EBF2: variants seen among roughly 807,000 people sequenced by gnomAD.
EBF2 encodes the protein EBF transcription factor 2.
EBF2 carries 21 observed loss-of-function variants against 72.8 expected under a neutral mutation model. That is an observed-to-expected ratio of 0.29 (90% confidence interval 0.20 to 0.42). The LOEUF (loss-of-function observed/expected upper bound fraction) is 0.42, where lower values mean the gene tolerates loss of function less well. Among genes scored for constraint, EBF2 ranks in the 10% least tolerant of loss-of-function variants. EBF2 has a pLI of 1.00. For synonymous variants in EBF2, 299 were observed against 274.2 expected, an observed-to-expected ratio of 1.09 and a Z score of -0.89; for missense variants, 637 against 731.2, an observed-to-expected ratio of 0.87 and a Z score of 1.49.
intron 6 of EBF2, among the ~76,000 whole-genome samples, chr8:25,927,306 A>G (rs920253288): frequency 6.9e-6 from 1 of 145,974 alleles, no homozygotes; most frequent in Non-Finnish European, 1.5e-5. Flanking sequence ...TATCTTGTAT[A>G]TATCTAGATA....
intron 15 of EBF2, among the ~76,000 whole-genome samples, chr8:25,849,836 C>G (rs1417410470): frequency 6.6e-6 from 1 of 152,188 alleles, no homozygotes; most frequent in Non-Finnish European, 1.5e-5. Context: ...ATCAATTTGA[C>G]TTGCATGTAA....
intron 7 of EBF2, among the ~76,000 whole-genome samples, chr8:25,907,984 T>C (rs1157826821): frequency 6.6e-6 from 1 of 152,166 alleles, no homozygotes; most frequent in African/African-American, 2.4e-5. Context: ...TGGGTCACCG[T>C]CCCGTGGGTC....
intron 6 of EBF2, among the ~76,000 whole-genome samples, chr8:26,026,566 C>T (rs1030816918): frequency 2.6e-5 from 4 of 152,212 alleles, no homozygotes; most frequent in Non-Finnish European, 4.4e-5. Context: ...ACTATCCACT[C>T]CTCAGTCACG....
intron 6 of EBF2, among the ~76,000 whole-genome samples, chr8:25,935,738 C>G (rs971992775): frequency 6.6e-6 from 1 of 152,162 alleles, no homozygotes; most frequent in Non-Finnish European, 1.5e-5. Flanking sequence ...CAGCCCTGCC[C>G]CAATCTATGA....
intron 6 of EBF2, among the ~76,000 whole-genome samples, chr8:25,952,046 C>T (rs1268595368): frequency 1.3e-5 from 2 of 152,108 alleles, no homozygotes; most frequent in African/African-American, 4.8e-5. Context: ...TAATTCCAAC[C>T]CTGTGGAAGG....
At position 25,858,169 on chromosome 8, in the gene EBF2, C is replaced by T. The variant is rs534013268; in HGVS notation, c.1528+150G>A. 8.4e-5 allele frequency: 85 copies of T among 1,008,138 alleles called. 1 individual carries two copies. In the East Asian group the frequency reaches 9.3e-4, roughly 11 times the overall value. 62.4% of individuals were successfully genotyped at this position (1,008,138 alleles called of 1,614,324 possible). ...CCAAAGTCCAGCTAAGGGAAAAGAACGAAAGGCAGGAAGGATGCTTAATCA... is the reference window on the plus strand; with the variant it reads ...CCAAAGTCCAGCTAAGGGAAAAGAATGAAAGGCAGGAAGGATGCTTAATCA... On this transcript the variant is annotated intron_variant, in intron 14 of 15. Transcript: ENST00000520164.
chr8:26,009,610 G>T (rs1181850061), intron 6 of EBF2, among the ~76,000 whole-genome samples: 1 of 152,128 alleles, frequency 6.6e-6, no homozygotes, highest in Non-Finnish European at 1.5e-5. Flanking sequence ...AAGAAATACC[G>T]CCCGCAAATT....
intron 6 of EBF2, among the ~76,000 whole-genome samples, chr8:25,914,171 C>T (rs1803173906): frequency 3.3e-5 from 5 of 152,172 alleles, no homozygotes; most frequent in African/African-American, 1.2e-4. Context: ...TGAGAATGGC[C>T]CTCATAGCAA....
chr8:25,978,442 A>G (rs1379203142), intron 6 of EBF2, among the ~76,000 whole-genome samples: 1 of 152,180 alleles, frequency 6.6e-6, no homozygotes, highest in East Asian at 1.9e-4. Context: ...GCTGCAAATA[A>G]ATCAGGAATG....
chr8:25,990,183 G>A (rs963298059), intron 6 of EBF2, among the ~76,000 whole-genome samples: 4 of 141,914 alleles, frequency 2.8e-5, no homozygotes, highest in Non-Finnish European at 4.5e-5. Flanking sequence ...CAGAGCTATG[G>A]GTTATACACA....
intron 6 of EBF2, among the ~76,000 whole-genome samples, chr8:26,026,813 C>T (rs1028960164): frequency 6.6e-6 from 1 of 152,164 alleles, no homozygotes; most frequent in Admixed American, 6.5e-5. Flanking sequence ...GTAATTTCTA[C>T]CTATTGACTA....
chr8:25,954,136 G>A (rs879849262), intron 6 of EBF2, among the ~76,000 whole-genome samples: 1 of 152,184 alleles, frequency 6.6e-6, no homozygotes. Context: ...ATGTTAGCTC[G>A]AACTAGCTAT....
chr8:25,846,659 A>G (rs1801843500), intron 15 of EBF2, among the ~76,000 whole-genome samples: 1 of 152,114 alleles, frequency 6.6e-6, no homozygotes, highest in Admixed American at 6.6e-5. Context: ...ACTATACTAC[A>G]ACCTGTGTGA....
intron 6 of EBF2, among the ~76,000 whole-genome samples, chr8:25,989,031 C>G (rs957153318): frequency 6.6e-6 from 1 of 152,224 alleles, no homozygotes; most frequent in African/African-American, 2.4e-5. Context: ...GGAAAGAACA[C>G]TGGTCTTAGA....
At chr8:25,992,484 C>A (rs1212490874) in intron 6 of EBF2, among the ~76,000 whole-genome samples, 4 of 152,110 alleles carry the variant, frequency 2.6e-5, no homozygotes, top group Non-Finnish European at 5.9e-5. Context: ...ATGCCACCTC[C>A]ATTTGGTGGT....
chr8:25,845,327 A>C (rs940453015), intron 15 of EBF2, among the ~76,000 whole-genome samples: 1 of 149,290 alleles, frequency 6.7e-6, no homozygotes, highest in African/African-American at 2.5e-5. Flanking sequence ...TCCTGGGTTC[A>C]AGTGATTCTC....
intron 13 of EBF2, among the ~76,000 whole-genome samples, chr8:25,858,922 G>A (rs1376419023): frequency 1.3e-5 from 2 of 151,994 alleles, no homozygotes; most frequent in Admixed American, 6.5e-5. Context: ...GCCTCTCAAA[G>A]TGCTGGGATT....
At position 25,925,607 on chromosome 8, in the gene EBF2, G is replaced by A. The variant is rs558842546; in HGVS notation, c.552-17052C>T. Among the ~76,000 whole-genome samples the A allele has an allele frequency of 4.6e-5, 7 of 152,276 alleles. No individual in the cohort carries two copies. The South Asian group carries it at 6.2e-4, about 14-fold the overall frequency. On this transcript the variant is annotated intron_variant, in intron 6 of 15. Transcript: ENST00000520164. ...TCGGCTGCCTTTGTGCAGTGTGTGC[G>A]TGCATGTGTGTCTACGCATGTGTGT...
In EBF2 at chr8:25,850,616, G is replaced by A. The variant is rs751209442; in HGVS notation, c.1674C>T (p.Ser558=). The A allele has an allele frequency of 8.1e-5, 126 of 1,561,150 alleles. No homozygotes were observed. Among genetic ancestry groups the A allele is most frequent in the East Asian group, 1.2e-4 (5 of 41,522 alleles). ...TACCTCTGAATCCATTTCCATTGCC[G>A]CTGGAGCAGGCAGGTGAAGGGGAGC... is the stretch of plus-strand genomic sequence containing the variant. The part of the protein sequence containing the change: ...PQGSPSPACS[S]GNGNGFRAMT... The change falls in exon 15 of 16, where the codon AGC becomes AGT. Residue 558 remains serine, a synonymous_variant. Transcript: ENST00000520164.
Sources: allele counts gnomAD v4.1 joint callset (sites outside exome capture counted in the v4.1 genomes callset), GRCh38; gene constraint gnomAD v4.1.1; transcripts MANE v1.5; gene names NCBI Gene and HGNC (gene_info 2026-07-23, HGNC 2026-07-21).